NEGR1: variants seen among roughly 807,000 people sequenced by gnomAD.
The protein encoded by NEGR1 is neuronal growth regulator 1, also known as IgLON family member 4.
A neutral mutation model predicts 40.9 loss-of-function variants in NEGR1; 10 were observed. That is an observed-to-expected ratio of 0.24 (90% confidence interval 0.15 to 0.42). The LOEUF (loss-of-function observed/expected upper bound fraction) is 0.42. Among genes scored for constraint, NEGR1 ranks in the 10% least tolerant of loss-of-function variants. The pLI is 1.00. For synonymous variants in NEGR1, 185 were observed against 166.8 expected, an observed-to-expected ratio of 1.11 and a Z score of -0.84; for missense variants, 352 against 438.9, an observed-to-expected ratio of 0.80 and a Z score of 1.77.
chr1:71,850,137 T>TTTTGTTTG (rs370506321), intron 2 of NEGR1, among the ~76,000 whole-genome samples: 10 of 93,410 alleles, frequency 1.1e-4, no homozygotes, highest in South Asian at 3.5e-4. Flanking sequence ...TACTGTCTTT[T>TTTTGTTTG]TTTGTTTGTT....
At chr1:71,940,373 A>G (rs1396054443) in intron 1 of NEGR1, among the ~76,000 whole-genome samples, 1 of 152,212 alleles carries the variant, frequency 6.6e-6, no homozygotes, top group Non-Finnish European at 1.5e-5. Flanking sequence ...TTCCAAAAAT[A>G]CACTCTTCAG....
In NEGR1 at chr1:71,781,679, G is replaced by A. The variant is rs144955713; in HGVS notation, c.410-5382C>T. 4.0e-3 allele frequency among the ~76,000 whole-genome samples: 615 copies of A among 152,150 alleles called. 2 individuals are homozygous for A. The highest frequency in any genetic ancestry group is 0.015 in the African/African-American group (603 of 41,506). ...TGGCACAAAAACCACCTGTTTCCTCGGTCAGGATATAAAATCAAAGCAGTG... is the reference window on the plus strand; with the variant it reads ...TGGCACAAAAACCACCTGTTTCCTCAGTCAGGATATAAAATCAAAGCAGTG... On this transcript the variant is annotated intron_variant, in intron 2 of 6. Coordinates refer to ENST00000357731, the MANE Select transcript of NEGR1 (RefSeq NM_173808.3).
chr1:71,829,437 A>G (rs1045407192), intron 2 of NEGR1, among the ~76,000 whole-genome samples: 10 of 151,978 alleles, frequency 6.6e-5, no homozygotes, highest in Admixed American at 1.3e-4. Context: ...CCACACTCCA[A>G]TTATTTCCAA....
chr1:72,149,732 A>G (rs1312937310), intron 1 of NEGR1, among the ~76,000 whole-genome samples: 2 of 151,848 alleles, frequency 1.3e-5, no homozygotes, highest in East Asian at 3.9e-4. Context: ...AAAATACAAA[A>G]TTAGCCGGGC....
intron 3 of NEGR1, among the ~76,000 whole-genome samples, chr1:71,743,958 T>C (rs1327420586): frequency 1.3e-5 from 2 of 152,164 alleles, no homozygotes; most frequent in African/African-American, 2.4e-5. Flanking sequence ...ATTGGAAATA[T>C]GATCTGTCTT....
At chr1:71,511,066 A>G (rs1341031925) in intron 6 of NEGR1, among the ~76,000 whole-genome samples, 2 of 152,202 alleles carry the variant, frequency 1.3e-5, no homozygotes. Flanking sequence ...ATAATTTTGC[A>G]GATGCAGGCT....
At chr1:72,057,633 C>T (rs1272324792) in intron 1 of NEGR1, among the ~76,000 whole-genome samples, 1 of 151,576 alleles carries the variant, frequency 6.6e-6, no homozygotes, top group East Asian at 2.0e-4. Flanking sequence ...TCAACACACA[C>T]TGTATTAGTC....
In NEGR1 at chr1:71,407,456, A is replaced by G; in HGVS notation, c.1055T>C (p.Ile352Thr). The G allele has an allele frequency of 6.2e-7, 1 of 1,612,104 alleles. No homozygotes were observed. The highest frequency in any genetic ancestry group is 8.5e-7 in the Non-Finnish European group (1 of 1,178,580). ...FTSIFYLKNA[I>T]LQ ...TATGGGTCTTTGAATTTATTGTAGA[A>G]TGGCATTCTTCAGGTAGAATATGCT... The change falls in exon 7 of 7, where the codon ATT (isoleucine) becomes ACT (threonine). Residue 352 changes from isoleucine to threonine, a missense_variant. Physicochemically the swap from Ile to Thr is moderately conservative, Grantham distance 89. Coordinates refer to ENST00000357731, the MANE Select transcript of NEGR1 (RefSeq NM_173808.3).
At chr1:72,116,769 G>A (rs1439315633) in intron 1 of NEGR1, among the ~76,000 whole-genome samples, 2 of 151,630 alleles carry the variant, frequency 1.3e-5, no homozygotes, top group Non-Finnish European at 3.0e-5. Context: ...GAAATAGTCT[G>A]TAAAAGTGTT....
intron 4 of NEGR1, among the ~76,000 whole-genome samples, chr1:71,616,950 T>C (rs1650464534): frequency 6.6e-6 from 1 of 152,332 alleles, no homozygotes; most frequent in South Asian, 2.1e-4. Context: ...GCCCACTTTG[T>C]ATAATGTGTG....
intron 6 of NEGR1, among the ~76,000 whole-genome samples, chr1:71,471,484 A>G (rs1247604372): frequency 6.6e-6 from 1 of 151,996 alleles, no homozygotes; most frequent in East Asian, 1.9e-4. Context: ...CATCTCTACT[A>G]AAAATACAAA....
At position 72,109,971 on chromosome 1, in the gene NEGR1, T is replaced by C. The variant is rs187731503; in HGVS notation, c.176+172348A>G. 8.6e-4 allele frequency among the ~76,000 whole-genome samples: 131 copies of C among 151,730 alleles called. 1 individual carries two copies. The highest frequency in any genetic ancestry group is 1.7e-3 in the Non-Finnish European group (113 of 67,726). ...GAAAGAAAGCACAGCTGTTCCTATT[T>C]AGGAATCCACAGTGTAGAATTTCCA... is the stretch of plus-strand genomic sequence containing the variant. On this transcript the variant is annotated intron_variant, in intron 1 of 6. Coordinates refer to ENST00000357731, the MANE Select transcript of NEGR1 (RefSeq NM_173808.3).
chr1:72,213,258 T>A (rs1489105993), intron 1 of NEGR1, among the ~76,000 whole-genome samples: 1 of 151,998 alleles, frequency 6.6e-6, no homozygotes, highest in Non-Finnish European at 1.5e-5. Flanking sequence ...GAGGATTAAT[T>A]CAGTGTTTTA....
intron 3 of NEGR1, among the ~76,000 whole-genome samples, chr1:71,758,664 T>A (rs1255844307): frequency 6.6e-6 from 1 of 152,074 alleles, no homozygotes; most frequent in African/African-American, 2.4e-5. Flanking sequence ...GAAGAAAAAA[T>A]TGATATAGTA....
At chr1:71,819,404 A>AT (rs1381799649) in intron 2 of NEGR1, among the ~76,000 whole-genome samples, 1 of 151,992 alleles carries the variant, frequency 6.6e-6, no homozygotes, top group Non-Finnish European at 1.5e-5. Context: ...GTAATCCTCT[A>AT]TTTAATATCC....
chr1:71,894,278 CT>C (rs1320301108), intron 2 of NEGR1, among the ~76,000 whole-genome samples: 1 of 150,364 alleles, frequency 6.7e-6, no homozygotes, highest in Non-Finnish European at 1.5e-5. Context: ...GAACACAAGA[CT>C]TTTTGGTATG....
chr1:71,953,907 T>TA (rs991397461), intron 1 of NEGR1, among the ~76,000 whole-genome samples: 2 of 151,676 alleles, frequency 1.3e-5, no homozygotes, highest in South Asian at 2.1e-4. Context: ...ATTGGTAAAT[T>TA]AAAAAAAATA....
intron 1 of NEGR1, among the ~76,000 whole-genome samples, chr1:72,004,793 C>T (rs1186663081): frequency 6.6e-6 from 1 of 152,070 alleles, no homozygotes; most frequent in Non-Finnish European, 1.5e-5. Flanking sequence ...ATTTAGGGAA[C>T]CACTGCATAA....
chr1:72,077,400 C>G (rs1415298358), intron 1 of NEGR1, among the ~76,000 whole-genome samples: 1 of 152,012 alleles, frequency 6.6e-6, no homozygotes, highest in African/African-American at 2.4e-5. Flanking sequence ...CTCCCTTTTT[C>G]TTGTCATAAA....
Sources: gnomAD v4.1 joint callset for allele counts (sites outside exome capture counted in the v4.1 genomes callset) on GRCh38, gnomAD v4.1.1 for gene constraint, MANE v1.5 for transcripts, NCBI Gene and HGNC (gene_info 2026-07-23, HGNC 2026-07-21) for gene names.